The following CNTNAP2 variants were observed in gnomAD, a reference collection of about 807,000 sequenced individuals.
CNTNAP2 encodes contactin-associated protein-like 2.
CNTNAP2 carries 98 observed loss-of-function variants against 155.2 expected under a neutral mutation model. The ratio of observed to expected loss-of-function variants is 0.63; its 90% CI spans 0.54 to 0.75. The LOEUF (loss-of-function observed/expected upper bound fraction) is 0.75. Among genes scored for constraint, CNTNAP2 ranks in the 30% least tolerant of loss-of-function variants. The probability of loss-of-function intolerance (pLI) is 0.00; values close to 1 mark genes in which losing one functional copy is unlikely to be tolerated. For missense variants in CNTNAP2, 1,727 were observed against 1,688.1 expected (o/e 1.02, Z -0.40); for synonymous variants, 651 against 631.2 (o/e 1.03, Z -0.47).
chr7:148,040,304 A>G (rs12531913), intron 15 of CNTNAP2, among the ~76,000 whole-genome samples: 50,884 of 152,106 alleles, frequency 0.33, 9,498 homozygotes, highest in East Asian at 0.76. Flanking sequence ...TATGCTCAAG[A>G]TAAGCTTACA....
rs189086957 is a variant in CNTNAP2, at chr7:148,364,374, T to G, written c.3476-19275T>G. On this transcript the variant is annotated intron_variant, in intron 21 of 23. Transcript: ENST00000361727. ...AGCTCAAGGTTTGTAAATACATCAA[T>G]CAGCACCCTGTGTTTAGCTCAAGGT... Among the ~76,000 whole-genome samples the G allele has an allele frequency of 3.6e-3, 552 of 152,274 alleles. 5 individuals carry two copies. Among genetic ancestry groups the G allele is most frequent in the African/African-American group, 0.013 (534 of 41,554 alleles).
chr7:148,256,563 A>G (rs1406596), intron 20 of CNTNAP2, among the ~76,000 whole-genome samples: 105,567 of 151,924 alleles, frequency 0.69, 37,151 homozygotes, highest in South Asian at 0.85. Flanking sequence ...ATGACCTTCC[A>G]TAGAGGACAG....
intron 17 of CNTNAP2, among the ~76,000 whole-genome samples, chr7:148,161,105 C>T (rs907730365): frequency 1.3e-5 from 2 of 152,162 alleles, no homozygotes; most frequent in African/African-American, 4.8e-5. Context: ...AGATTTTTCA[C>T]TTCAATATCT....
chr7:148,031,035 A>G (rs756567890), intron 15 of CNTNAP2, among the ~76,000 whole-genome samples: 3 of 152,100 alleles, frequency 2.0e-5, no homozygotes, highest in Non-Finnish European at 2.9e-5. Context: ...GGCACAAAAG[A>G]CTGGAAAGTT....
At chr7:146,644,497 G>A (rs1799774031) in intron 1 of CNTNAP2, among the ~76,000 whole-genome samples, 1 of 152,102 alleles carries the variant, frequency 6.6e-6, no homozygotes, top group African/African-American at 2.4e-5. Context: ...GCATCCCAGG[G>A]ATGAAGCCCT....
intron 1 of CNTNAP2, among the ~76,000 whole-genome samples, chr7:146,347,806 T>A (rs1408439020): frequency 1.3e-5 from 2 of 152,304 alleles, no homozygotes; most frequent in East Asian, 3.9e-4. Flanking sequence ...TCTCAATTGA[T>A]CCACTCTCCT....
Position 146,974,440 on chromosome 7 carries a change from AAAAAAAATAAAAAAT to A in CNTNAP2, c.403-69448_403-69434del, listed in dbSNP as rs559961139. ...GCGACAAGAGCAAAACTCCGTCTTA[AAAAAAAATAAAAAAT>A]AAAAAAATAAAAAATAAAGTCAGTT... On this transcript the variant is annotated intron_variant, in intron 3 of 23. Transcript: ENST00000361727. Among the ~76,000 whole-genome samples the A allele has an allele frequency of 2.4e-3, 360 of 151,886 alleles. 4 individuals are homozygous for A. The highest frequency in any genetic ancestry group is 8.1e-3 in the South Asian group (39 of 4,798).
chr7:147,182,998 G>A (rs1802495290), intron 8 of CNTNAP2, among the ~76,000 whole-genome samples: 1 of 152,066 alleles, frequency 6.6e-6, no homozygotes, highest in Non-Finnish European at 1.5e-5. Context: ...AGTCATCAAT[G>A]ATTCATTTTA....
intron 9 of CNTNAP2, among the ~76,000 whole-genome samples, chr7:147,373,499 G>A (rs1796383558): frequency 6.6e-6 from 1 of 151,880 alleles, no homozygotes; most frequent in Admixed American, 6.6e-5. Context: ...TTTTTTACTG[G>A]TTAAATTATT....
intron 15 of CNTNAP2, among the ~76,000 whole-genome samples, chr7:148,026,162 A>C (rs1802371005): frequency 6.6e-6 from 1 of 152,212 alleles, no homozygotes; most frequent in Non-Finnish European, 1.5e-5. Context: ...ACTTTAAAAA[A>C]TACTAGCCAG....
intron 13 of CNTNAP2, among the ~76,000 whole-genome samples, chr7:147,771,610 G>A (rs539571337): frequency 3.2e-4 from 48 of 152,218 alleles, no homozygotes; most frequent in African/African-American, 7.9e-4. Flanking sequence ...TTGAAATTTC[G>A]TTCACATTCT....
Position 147,041,610 on chromosome 7 carries a change from A to G in CNTNAP2, c.403-2297A>G, listed in dbSNP as rs575185397. Reference sequence around the variant, plus strand: ...ACATAGCCTTCAGGGAACTCCAAATATCGGTAAAATTACTAGTTACGTAAT... The same window carrying G: ...ACATAGCCTTCAGGGAACTCCAAATGTCGGTAAAATTACTAGTTACGTAAT... On this transcript the variant is annotated intron_variant, in intron 3 of 23. Coordinates refer to ENST00000361727, the MANE Select transcript of CNTNAP2 (RefSeq NM_014141.6). Among the ~76,000 whole-genome samples, 6 of 152,322 alleles carry G rather than the reference A, an allele frequency of 3.9e-5. No homozygotes were observed. The South Asian group carries it at 1.2e-3, about 32-fold the overall frequency.
At chr7:146,117,103 C>A in intron 1 of CNTNAP2, 130 bp downstream of exon 1, 1 of 747,694 alleles carries the variant, frequency 1.3e-6, no homozygotes, top group South Asian at 1.6e-5. Flanking sequence ...CGCTGTCACA[C>A]ACTTGCAGCC....
chr7:147,611,432 T>C (rs529895710), intron 12 of CNTNAP2, among the ~76,000 whole-genome samples: 2 of 152,302 alleles, frequency 1.3e-5, no homozygotes, highest in South Asian at 2.1e-4. Flanking sequence ...ATGTAGTCAG[T>C]AACTCTAGCT....
At chr7:147,534,476 CG>C (rs1182895281) in intron 11 of CNTNAP2, among the ~76,000 whole-genome samples, 1 of 152,128 alleles carries the variant, frequency 6.6e-6, no homozygotes, top group Non-Finnish European at 1.5e-5. Flanking sequence ...TACCCTTACA[CG>C]GAACAGGATA....
rs539816653 is a variant in CNTNAP2, at chr7:147,720,563, A to T, written c.2098+81257A>T. Among the ~76,000 whole-genome samples, 3 of 152,212 alleles carry T rather than the reference A, an allele frequency of 2.0e-5. No individual in the cohort carries two copies. In the South Asian group the frequency reaches 6.2e-4, roughly 32 times the overall value. The stretch of plus-strand genomic sequence containing the variant: ...ATCTCATCTTGAATTGTAACCCCGT[A>T]ATCCCCACGTGTGAAGGAAGAGACC... On this transcript the variant is annotated intron_variant, in intron 13 of 23. Transcript: ENST00000361727.
intron 1 of CNTNAP2, among the ~76,000 whole-genome samples, chr7:146,669,849 A>AGTTCT (rs5888217): frequency 0.81 from 122,701 of 151,762 alleles, 50,209 homozygotes; most frequent in South Asian, 0.91. Flanking sequence ...GCAAATTTGG[A>AGTTCT]GTTCTAATTT....
rs141996328 is a variant in CNTNAP2 at position 148,316,049 on chromosome 7, T to G, written c.3475+48923T>G. Among the ~76,000 whole-genome samples the G allele has an allele frequency of 1.5e-3, 234 of 152,142 alleles. 1 individual carries two copies. Among genetic ancestry groups the G allele is most frequent in the African/African-American group, 5.4e-3 (222 of 41,476 alleles). ...TTCTTAAGTCAAAGAGAATATTCAT[T>G]GTTAGGGAAGGAAAAAAAGATAGAG... is the stretch of plus-strand genomic sequence containing the variant. On this transcript the variant is annotated intron_variant, in intron 21 of 23. Coordinates refer to ENST00000361727, the MANE Select transcript of CNTNAP2 (RefSeq NM_014141.6).
intron 12 of CNTNAP2, among the ~76,000 whole-genome samples, chr7:147,604,469 T>G (rs979532538): frequency 6.6e-6 from 1 of 152,234 alleles, no homozygotes; most frequent in African/African-American, 2.4e-5. Flanking sequence ...GGTTTTTAAA[T>G]ATTTATGACA....
Sources: allele counts gnomAD v4.1 joint callset (sites outside exome capture counted in the v4.1 genomes callset), GRCh38; gene constraint gnomAD v4.1.1; transcripts MANE v1.5; gene names NCBI Gene and HGNC (gene_info 2026-07-23, HGNC 2026-07-21).